PEX14: variants seen among roughly 807,000 people sequenced by gnomAD.
PEX14 encodes the protein peroxisomal membrane protein PEX14.
A neutral mutation model predicts 49.5 loss-of-function variants in PEX14; 15 were observed. The observed-to-expected ratio is 0.30, with a 90% CI of 0.20 to 0.47. The LOEUF is 0.47. Ranked by LOEUF, PEX14 falls within the 20% of genes least tolerant of loss-of-function variation. The pLI, the probability that PEX14 is intolerant of heterozygous loss-of-function variation, is 1.00. For synonymous variants in PEX14, 210 were observed against 212.7 expected, an observed-to-expected ratio of 0.99 and a Z score of 0.11; for missense variants, 398 against 494.8, an observed-to-expected ratio of 0.80 and a Z score of 1.86.
intron 2 of PEX14, among the ~76,000 whole-genome samples, chr1:10,517,654 C>T (rs201905514): frequency 8.8e-5 from 12 of 136,680 alleles, no homozygotes; most frequent in African/African-American, 1.7e-4. Context: ...CCATTTTGTT[C>T]TTTTTTTTTT....
chr1:10,518,279 A>G (rs190003794), intron 2 of PEX14, among the ~76,000 whole-genome samples: 71 of 152,300 alleles, frequency 4.7e-4, no homozygotes, highest in Non-Finnish European at 7.6e-4. Context: ...GGTTAGATGA[A>G]TAGAGGTCTA....
chr1:10,486,010 A>G (rs1641362307), intron 1 of PEX14, among the ~76,000 whole-genome samples: 1 of 151,392 alleles, frequency 6.6e-6, no homozygotes, highest in Non-Finnish European at 1.5e-5. Context: ...TGCCTGCCCC[A>G]GCCTCCCAAA....
At chr1:10,595,833 TAGTC>T (rs1248398439) in intron 3 of PEX14, among the ~76,000 whole-genome samples, 4 of 137,014 alleles carry the variant, frequency 2.9e-5, no homozygotes, top group Non-Finnish European at 4.7e-5. Context: ...AGGTCTGCAT[TAGTC>T]AGGGTGATGG....
chr1:10,523,614 G>A (rs1401144990), intron 2 of PEX14, among the ~76,000 whole-genome samples: 1 of 139,680 alleles, frequency 7.2e-6, no homozygotes, highest in Non-Finnish European at 1.5e-5. Flanking sequence ...GTTCATGACA[G>A]TATTTGTGTA....
At chr1:10,521,513 T>G (rs1638294789) in intron 2 of PEX14, among the ~76,000 whole-genome samples, 1 of 152,264 alleles carries the variant, frequency 6.6e-6, no homozygotes, top group Admixed American at 6.5e-5. Context: ...TGAAAAGTGT[T>G]ACATAAATGC....
intron 2 of PEX14, among the ~76,000 whole-genome samples, chr1:10,532,774 C>T (rs1638685695): frequency 6.6e-6 from 1 of 152,182 alleles, no homozygotes; most frequent in African/African-American, 2.4e-5. Context: ...TAATACAGGA[C>T]AGGCTGCAGG....
chr1:10,486,360 G>GT (rs201702205), intron 1 of PEX14, among the ~76,000 whole-genome samples: 2,763 of 124,112 alleles, frequency 0.022, 46 homozygotes, highest in Non-Finnish European at 0.031. Flanking sequence ...AGTTTGCTGA[G>GT]TTTTTTTTTT....
At chr1:10,621,784 T>G (rs1008920427) in intron 5 of PEX14, among the ~76,000 whole-genome samples, 1 of 152,202 alleles carries the variant, frequency 6.6e-6, no homozygotes, top group African/African-American at 2.4e-5. Flanking sequence ...CGTCTATACA[T>G]GTGCTGCTGA....
chr1:10,596,677 C>A (rs1640841791), intron 3 of PEX14, among the ~76,000 whole-genome samples: 1 of 152,156 alleles, frequency 6.6e-6, no homozygotes, highest in Non-Finnish European at 1.5e-5. Flanking sequence ...CCTCCTTGGG[C>A]CTCAGGTTTC....
At chr1:10,483,689 T>C (rs1293695721) in intron 1 of PEX14, among the ~76,000 whole-genome samples, 1 of 151,814 alleles carries the variant, frequency 6.6e-6, no homozygotes, top group Non-Finnish European at 1.5e-5. Context: ...AACTTTACTG[T>C]GGAATTCTAA....
At chr1:10,608,121 C>G (rs1256428376) in intron 4 of PEX14, among the ~76,000 whole-genome samples, 7 of 152,152 alleles carry the variant, frequency 4.6e-5, no homozygotes, top group African/African-American at 7.2e-5. Context: ...GTGTGTGCCA[C>G]CACACCTGGC....
intron 3 of PEX14, among the ~76,000 whole-genome samples, chr1:10,592,256 T>C (rs1640689740): frequency 6.6e-6 from 1 of 152,232 alleles, no homozygotes; most frequent in African/African-American, 2.4e-5. Flanking sequence ...TTACTCAGTA[T>C]ACTGTGGGAA....
Position 10,520,153 on chromosome 1 carries a change from T to TTTTTTGTTTTTTTTTG in PEX14, c.85-16055_85-16054insGTTTTTTTTTGTTTTT, listed in dbSNP as rs1553185425. Reference sequence around the variant, plus strand: ...TTGTGCCTGGCCTTCTTCTTCTTTTTTTTTTTTTTGTTTTTTTAACTAGAG... The same window carrying TTTTTTGTTTTTTTTTG: ...TTGTGCCTGGCCTTCTTCTTCTTTTTTTTTTGTTTTTTTTTGTTTTTTTTTGTTTTTTTAACTAGAG... On this transcript the variant is annotated intron_variant, in intron 2 of 8. Coordinates refer to ENST00000356607, the MANE Select transcript of PEX14 (RefSeq NM_004565.3). Among the ~76,000 whole-genome samples the TTTTTTGTTTTTTTTTG allele has an allele frequency of 2.6e-4, 24 of 92,006 alleles. No homozygotes were observed. In the East Asian group the frequency reaches 3.7e-3, roughly 14 times the overall value. The allele number at this position is 92,006 out of a possible 152,430, so 60.4% of individuals were successfully genotyped here.
chr1:10,492,016 G>A (rs1641483213), intron 1 of PEX14, among the ~76,000 whole-genome samples: 1 of 152,138 alleles, frequency 6.6e-6, no homozygotes, highest in South Asian at 2.1e-4. Context: ...AATATCCTTG[G>A]CAGAATATAT....
At chr1:10,548,931 G>A (rs1639255005) in intron 3 of PEX14, among the ~76,000 whole-genome samples, 1 of 152,176 alleles carries the variant, frequency 6.6e-6, no homozygotes, top group Admixed American at 6.5e-5. Flanking sequence ...GAGGACTTGG[G>A]CATGCTCTAA....
rs576044756 is a variant in PEX14, at chr1:10,556,090, C to T, written c.169+19793C>T. ...CCCAGAGGCCTGCCACTGAAACCGC[C>T]TTCTGCAGGCACCGTCTGCCAGTGC... On this transcript the variant is annotated intron_variant, in intron 3 of 8. Coordinates refer to ENST00000356607, the MANE Select transcript of PEX14 (RefSeq NM_004565.3). 3.3e-5 allele frequency among the ~76,000 whole-genome samples: 5 copies of T among 152,274 alleles called. 1 individual carries two copies. In the South Asian group the frequency reaches 1.0e-3, roughly 32 times the overall value.
At chr1:10,550,515 A>G (rs1428375419) in intron 3 of PEX14, among the ~76,000 whole-genome samples, 1 of 152,234 alleles carries the variant, frequency 6.6e-6, no homozygotes, top group African/African-American at 2.4e-5. Context: ...GAACTTGGTG[A>G]TGAGGCTGTA....
At chr1:10,546,598 G>A (rs1470136057) in intron 3 of PEX14, among the ~76,000 whole-genome samples, 1 of 146,410 alleles carries the variant, frequency 6.8e-6, no homozygotes, top group African/African-American at 2.5e-5. Flanking sequence ...TAGGTGCGGT[G>A]GCTCACGCCT....
intron 4 of PEX14, among the ~76,000 whole-genome samples, chr1:10,617,661 C>T (rs1641465649): frequency 6.6e-6 from 1 of 152,158 alleles, no homozygotes; most frequent in African/African-American, 2.4e-5. Flanking sequence ...CCCCAAGGGC[C>T]TCAGGGCTCC....
Sources: gnomAD v4.1 joint callset for allele counts (sites outside exome capture counted in the v4.1 genomes callset) on GRCh38, gnomAD v4.1.1 for gene constraint, MANE v1.5 for transcripts, NCBI Gene and HGNC (gene_info 2026-07-23, HGNC 2026-07-21) for gene names.